CLCN3: variants seen among roughly 807,000 people sequenced by gnomAD.
CLCN3 encodes H(+)/Cl(-) exchange transporter 3.
Under a neutral mutation model 83.4 loss-of-function variants are expected in CLCN3, and 16 were observed. That is an observed-to-expected ratio of 0.19 (90% CI 0.13 to 0.29). The LOEUF (loss-of-function observed/expected upper bound fraction) is 0.29, where lower values mean the gene tolerates loss of function less well. Among genes scored for constraint, CLCN3 ranks in the 10% least tolerant of loss-of-function variants. The pLI is 1.00. For missense variants in CLCN3, 544 were observed against 1,006.0 expected (o/e 0.54, Z 6.21); for synonymous variants, 322 against 346.2 (o/e 0.93, Z 0.78).
At chr4:169,642,398 G>A (rs941449718) in intron 2 of CLCN3, among the ~76,000 whole-genome samples, 5 of 152,080 alleles carry the variant, frequency 3.3e-5, no homozygotes, top group Non-Finnish European at 4.4e-5. Context: ...ATAAATCTCC[G>A]GTGACATTAT....
chr4:169,654,365 G>A (rs1020600497), intron 2 of CLCN3, among the ~76,000 whole-genome samples: 1 of 151,152 alleles, frequency 6.6e-6, no homozygotes, highest in Non-Finnish European at 1.5e-5. Flanking sequence ...TGCCTTTTTT[G>A]TTCTTTTCTA....
chr4:169,639,316 G>A (rs1730335515), intron 2 of CLCN3, among the ~76,000 whole-genome samples: 1 of 152,222 alleles, frequency 6.6e-6, no homozygotes, highest in African/African-American at 2.4e-5. Flanking sequence ...ACAGGCATGA[G>A]CCACTGTGCC....
At chr4:169,684,915 A>T (rs2150243959) in intron 3 of CLCN3, among the ~76,000 whole-genome samples, 1 of 151,924 alleles carries the variant, frequency 6.6e-6, no homozygotes, top group East Asian at 1.9e-4. Flanking sequence ...AATTTTAGGT[A>T]ATCTGTCTCC....
intron 1 of CLCN3, among the ~76,000 whole-genome samples, chr4:169,621,682 C>T (rs974389719): frequency 6.6e-6 from 1 of 152,218 alleles, no homozygotes; most frequent in African/African-American, 2.4e-5. Flanking sequence ...AAGTTCAGTT[C>T]TACAAACGTA....
chr4:169,634,963 G>A (rs1773468006), intron 1 of CLCN3, among the ~76,000 whole-genome samples: 1 of 152,238 alleles, frequency 6.6e-6, no homozygotes, highest in East Asian at 1.9e-4. Flanking sequence ...TGTTATTAAA[G>A]CTCTTTGAGG....
At position 169,722,983 on chromosome 4, in the gene CLCN3, C is replaced by T. The variant is rs1224277563; in HGVS notation, c.*2986C>T. ...TTTGAGAAGGTATGATGAGAATGGG[C>T]AAGGGTGTCAGCATCTCTTCTTCTT... On this transcript the variant is annotated 3_prime_UTR_variant, in exon 13 of 13. Transcript: ENST00000513761. The T allele has an allele frequency of 6.6e-6, 1 of 152,144 alleles. No homozygotes were observed. The highest frequency in any genetic ancestry group is 1.5e-5 in the Non-Finnish European group (1 of 68,030). The allele number at this position is 152,144 out of a possible 1,614,324, so 9.4% of individuals were successfully genotyped here.
intron 1 of CLCN3, among the ~76,000 whole-genome samples, chr4:169,621,285 C>A (rs767516171): frequency 7.2e-5 from 11 of 152,166 alleles, no homozygotes; most frequent in Non-Finnish European, 1.5e-4. Context: ...CGAAGGACCT[C>A]TGAATAAAAT....
intron 3 of CLCN3, among the ~76,000 whole-genome samples, chr4:169,681,353 G>C (rs1482317009): frequency 1.3e-5 from 2 of 152,076 alleles, no homozygotes; most frequent in Non-Finnish European, 2.9e-5. Context: ...ATCTCAAAAG[G>C]CCCTATATAA....
intron 1 of CLCN3, among the ~76,000 whole-genome samples, chr4:169,622,062 G>A (rs1773124622): frequency 6.6e-6 from 1 of 152,078 alleles, no homozygotes; most frequent in Non-Finnish European, 1.5e-5. Flanking sequence ...AGCCACTGTT[G>A]GCAGAATTCA....
At chr4:169,649,129 T>C (rs1429099522) in intron 2 of CLCN3, among the ~76,000 whole-genome samples, 2 of 151,774 alleles carry the variant, frequency 1.3e-5, no homozygotes, top group African/African-American at 4.8e-5. Context: ...AAGTCAGGCA[T>C]GTGAAAGAAG....
At chr4:169,696,239 TAATC>T (rs1732559942) in intron 8 of CLCN3, among the ~76,000 whole-genome samples, 1 of 152,150 alleles carries the variant, frequency 6.6e-6, no homozygotes, top group South Asian at 2.1e-4. Flanking sequence ...TAAAAAATTT[TAATC>T]AATTCCTATG....
chr4:169,626,127 C>A (rs938551920), intron 1 of CLCN3, among the ~76,000 whole-genome samples: 2 of 152,220 alleles, frequency 1.3e-5, no homozygotes, highest in South Asian at 2.1e-4. Context: ...ATGACCCCCC[C>A]ACTCCTTACG....
At chr4:169,660,453 T>TA (rs1731015829) in intron 2 of CLCN3, 2 of 1,327,512 alleles carry the variant, frequency 1.5e-6, no homozygotes, top group Middle Eastern at 1.9e-4. Context: ...AAAGAGGTAA[T>TA]ACTATCCCCT....
intron 10 of CLCN3, among the ~76,000 whole-genome samples, chr4:169,704,476 TC>T (rs1167935010): frequency 1.3e-5 from 2 of 152,230 alleles, no homozygotes; most frequent in African/African-American, 2.4e-5. Context: ...TTAATTTGAA[TC>T]CTGACCAAAG....
intron 2 of CLCN3, among the ~76,000 whole-genome samples, chr4:169,663,824 A>G (rs1731150526): frequency 6.6e-6 from 1 of 152,150 alleles, no homozygotes; most frequent in Non-Finnish European, 1.5e-5. Flanking sequence ...GCTTCTCTCT[A>G]CACGTATCTT....
In CLCN3 at chr4:169,703,531, A is replaced by G. The variant is rs138847077; in HGVS notation, c.1564-467A>G. Among the ~76,000 whole-genome samples the G allele has an allele frequency of 7.2e-5, 11 of 152,280 alleles. No homozygotes were observed. In the East Asian group the frequency reaches 1.9e-3, roughly 27 times the overall value. ...TACTTCATATTGTACTTTTAAAAAT[A>G]TATATTTTTTAATTTCAATAGCTTT... is the stretch of plus-strand genomic sequence containing the variant. On this transcript the variant is annotated intron_variant, in intron 9 of 12. Transcript: ENST00000513761.
chr4:169,645,106 G>A (rs555255007), intron 2 of CLCN3, among the ~76,000 whole-genome samples: 7 of 152,262 alleles, frequency 4.6e-5, no homozygotes, highest in African/African-American at 1.2e-4. Flanking sequence ...AGTAGGAAAC[G>A]GACACGGATA....
chr4:169,717,650 ATTTTGT>A (rs1272631128), intron 12 of CLCN3: 2 of 492,978 alleles, frequency 4.1e-6, no homozygotes, highest in Non-Finnish European at 7.2e-6. Flanking sequence ...ACTTTAAATC[ATTTTGT>A]TTTTATTTTC....
chr4:169,678,563 C>T (rs1194682925), intron 2 of CLCN3, among the ~76,000 whole-genome samples: 1 of 152,102 alleles, frequency 6.6e-6, no homozygotes, highest in Non-Finnish European at 1.5e-5. Flanking sequence ...GAGGACCCTG[C>T]GGCCTTCCAC....
Sources: gnomAD v4.1 joint callset for allele counts (sites outside exome capture counted in the v4.1 genomes callset) on GRCh38, gnomAD v4.1.1 for gene constraint, MANE v1.5 for transcripts, NCBI Gene and HGNC (gene_info 2026-07-23, HGNC 2026-07-21) for gene names.